POLR3B: variants seen among roughly 807,000 people sequenced by gnomAD.
The protein encoded by POLR3B is DNA-directed RNA polymerase III subunit RPC2.
A neutral mutation model predicts 147.4 loss-of-function variants in POLR3B; 96 were observed. The ratio of observed to expected loss-of-function variants is 0.65; its 90% confidence interval spans 0.55 to 0.77. The LOEUF is 0.77. Among genes scored for constraint, POLR3B ranks in the 30% least tolerant of loss-of-function variants. The pLI, the probability that POLR3B is intolerant of heterozygous loss-of-function variation, is 0.00. For synonymous variants in POLR3B, 461 were observed against 485.9 expected (o/e 0.95, Z 0.67); for missense variants, 1,036 against 1,413.5 (o/e 0.73, Z 4.28).
Position 106,411,095 on chromosome 12 carries a change from A to C in POLR3B, c.1101+135A>C, listed in dbSNP as rs978730689. 10 of 728,184 alleles carry C rather than the reference A, an allele frequency of 1.4e-5. No individual in the cohort carries two copies. In the African/African-American group the frequency reaches 1.6e-4, roughly 12 times the overall value. The allele number at this position is 728,184 out of a possible 1,614,324, so 45.1% of individuals were successfully genotyped here. A position where few individuals can be genotyped will look rare whatever the true frequency, so the allele number is the denominator to read the frequency against. On this transcript the variant is annotated intron_variant, in intron 12 of 27. Coordinates refer to ENST00000228347, the MANE Select transcript of POLR3B (RefSeq NM_018082.6). Reference sequence around the variant, plus strand: ...AGTATAAACATTTCATACCTGACTTATTATCTCCTAGAATTCCTTTAACTA... The same window carrying C: ...AGTATAAACATTTCATACCTGACTTCTTATCTCCTAGAATTCCTTTAACTA...
At chr12:106,423,629 C>T (rs186858876) in intron 12 of POLR3B, among the ~76,000 whole-genome samples, 12 of 152,202 alleles carry the variant, frequency 7.9e-5, no homozygotes, top group African/African-American at 2.6e-4. Flanking sequence ...AATAAATTTG[C>T]CTTTCTTCTG....
At chr12:106,361,691 A>AGT (rs1450308734) in intron 1 of POLR3B, among the ~76,000 whole-genome samples, 3 of 152,170 alleles carry the variant, frequency 2.0e-5, no homozygotes, top group African/African-American at 4.8e-5. Context: ...ACTTTCAAAC[A>AGT]GTGTTGTTTG....
In POLR3B at chr12:106,378,063, C is replaced by T. The variant is rs112621322; in HGVS notation, c.497-204C>T. Reference sequence around the variant, plus strand: ...TGATTGTGCCACTGCACTCCAGCCTCGGCGACAAAGGGAGATCCTTTCTCA... The same window carrying T: ...TGATTGTGCCACTGCACTCCAGCCTTGGCGACAAAGGGAGATCCTTTCTCA... On this transcript the variant is annotated intron_variant, in intron 7 of 27. Coordinates refer to ENST00000228347, the MANE Select transcript of POLR3B (RefSeq NM_018082.6). Among the ~76,000 whole-genome samples the T allele has an allele frequency of 8.8e-3, 1,343 of 151,986 alleles. 8 individuals carry two copies. The highest frequency in any genetic ancestry group is 0.015 in the Non-Finnish European group (1,010 of 67,972).
At chr12:106,399,162 G>A (rs1431253546) in intron 10 of POLR3B, among the ~76,000 whole-genome samples, 4 of 152,160 alleles carry the variant, frequency 2.6e-5, no homozygotes, top group Admixed American at 2.0e-4. Flanking sequence ...GAAAACCAAG[G>A]CACGAGAACT....
At chr12:106,362,372 A>G (rs897194699) in intron 1 of POLR3B, among the ~76,000 whole-genome samples, 2 of 152,142 alleles carry the variant, frequency 1.3e-5, no homozygotes, top group Non-Finnish European at 2.9e-5. Context: ...TAACAAAGTA[A>G]CCACAAACTA....
chr12:106,362,065 A>G (rs1450704993), intron 1 of POLR3B, among the ~76,000 whole-genome samples: 1 of 152,190 alleles, frequency 6.6e-6, no homozygotes, highest in Non-Finnish European at 1.5e-5. Flanking sequence ...CGTAAGCTGA[A>G]GGGCAGGGAA....
chr12:106,396,369 G>A (rs950740642), intron 10 of POLR3B, among the ~76,000 whole-genome samples: 1 of 152,154 alleles, frequency 6.6e-6, no homozygotes, highest in African/African-American at 2.4e-5. Flanking sequence ...TGTTTTCAGG[G>A]TTTTAATTTA....
Position 106,509,552 on chromosome 12 carries a change from A to G in POLR3B, c.*3A>G. 6.2e-7 allele frequency: 1 copy of G among 1,610,908 alleles called. No individual in the cohort carries two copies. Among genetic ancestry groups the G allele is most frequent in the Non-Finnish European group, 8.5e-7 (1 of 1,177,376 alleles). ...AACTGTCCAAGTACAATGAATGAGGATGGAAAAAATGATTATTAAAGAGAA... is the reference window on the plus strand; with the variant it reads ...AACTGTCCAAGTACAATGAATGAGGGTGGAAAAAATGATTATTAAAGAGAA... On this transcript the variant is annotated 3_prime_UTR_variant, in exon 28 of 28. Coordinates refer to ENST00000228347, the MANE Select transcript of POLR3B (RefSeq NM_018082.6).
At chr12:106,394,882 T>A (rs1018474808) in intron 10 of POLR3B, among the ~76,000 whole-genome samples, 3 of 152,226 alleles carry the variant, frequency 2.0e-5, no homozygotes, top group Non-Finnish European at 4.4e-5. Context: ...AATAAAAGGA[T>A]ATAGAGATGC....
chr12:106,469,986 A>G (rs1238793996), intron 23 of POLR3B, among the ~76,000 whole-genome samples: 1 of 151,974 alleles, frequency 6.6e-6, no homozygotes, highest in Admixed American at 6.6e-5. Context: ...CCTGAATTTG[A>G]ATGTTGGCCT....
chr12:106,427,489 T>C, intron 13 of POLR3B, 131 bp downstream of exon 13: 1 of 847,344 alleles, frequency 1.2e-6, no homozygotes, highest in Non-Finnish European at 1.9e-6. Context: ...AAAGCACAAA[T>C]TTCTACTTTG....
intron 9 of POLR3B, among the ~76,000 whole-genome samples, chr12:106,384,011 C>T (rs1445731958): frequency 6.6e-6 from 1 of 150,938 alleles, no homozygotes; most frequent in African/African-American, 2.4e-5. Context: ...AAAAAAAGAT[C>T]ATTGATCACA....
intron 21 of POLR3B, among the ~76,000 whole-genome samples, chr12:106,458,500 G>A (rs1055116832): frequency 6.6e-6 from 1 of 152,172 alleles, no homozygotes; most frequent in Non-Finnish European, 1.5e-5. Context: ...GTAGAAAAAG[G>A]ATTAGAAGGG....
At chr12:106,409,350 T>TTTG (rs2037191001) in intron 11 of POLR3B, among the ~76,000 whole-genome samples, 1 of 141,574 alleles carries the variant, frequency 7.1e-6, no homozygotes, top group African/African-American at 2.7e-5. Context: ...AAGAGGGTTT[T>TTTG]TTTTGTTTTT....
In POLR3B at chr12:106,504,732, C is replaced by T. The variant is rs1343815990; in HGVS notation, c.3272+478C>T. Among the ~76,000 whole-genome samples, 1 of 152,220 alleles carries T rather than the reference C, an allele frequency of 6.6e-6. No homozygotes were observed. Among genetic ancestry groups the T allele is most frequent in the African/African-American group, 2.4e-5 (1 of 41,450 alleles). On this transcript the variant is annotated intron_variant, in intron 27 of 27. Coordinates refer to ENST00000228347, the MANE Select transcript of POLR3B (RefSeq NM_018082.6). The surrounding 1 kb of genome is among the most constrained non-coding windows in gnomAD (Gnocchi z 4.6). ...CCAAGACGACCTGGTACCCTGCCCC[C>T]TTGTCTGTACTCTCTCTGCCATGGC...
At position 106,501,431 on chromosome 12, in the gene POLR3B, T is replaced by C; in HGVS notation, c.3093T>C (p.Leu1031=). The change falls in exon 26 of 28, where the codon CTT becomes CTC. Residue 1031 remains leucine (L), a synonymous_variant. Transcript: ENST00000228347. ...GGGCCCGGGGCCCACGAGCCGTCCT[T>C]ACCAGGTAAGAGAAAAGTACTTACA... ...HARARGPRAV[L]TRQPTEGRSR... 6.3e-7 allele frequency: 1 copy of C among 1,589,928 alleles called. No homozygotes were observed. The highest frequency in any genetic ancestry group is 8.6e-7 in the Non-Finnish European group (1 of 1,157,946).
At chr12:106,415,617 G>T (rs572451672) in intron 12 of POLR3B, among the ~76,000 whole-genome samples, 1 of 152,172 alleles carries the variant, frequency 6.6e-6, no homozygotes, top group African/African-American at 2.4e-5. Flanking sequence ...ATGAAATTTT[G>T]CAAAGCCCAA....
intron 23 of POLR3B, among the ~76,000 whole-genome samples, chr12:106,466,751 C>G (rs2137040141): frequency 6.6e-6 from 1 of 152,314 alleles, no homozygotes; most frequent in African/African-American, 2.4e-5. Flanking sequence ...TATCAAAGAT[C>G]AGATGGTGGT....
At chr12:106,466,230 G>C (rs56112923) in intron 23 of POLR3B, among the ~76,000 whole-genome samples, 11,717 of 152,142 alleles carry the variant, frequency 0.077, 539 homozygotes, top group Middle Eastern at 0.13. Context: ...TCATATGTCT[G>C]TTGGCTGCAT....
Sources: allele counts gnomAD v4.1 joint callset (sites outside exome capture counted in the v4.1 genomes callset), GRCh38; gene constraint gnomAD v4.1.1; non-coding constraint Gnocchi (gnomAD v3.1); transcripts MANE v1.5; gene names NCBI Gene and HGNC (gene_info 2026-07-23, HGNC 2026-07-21).